RNF128: variants seen among roughly 807,000 people sequenced by gnomAD.
The protein encoded by RNF128 is E3 ubiquitin-protein ligase RNF128.
In RNF128, 13 loss-of-function variants were observed where a neutral mutation model predicts 26.2. The ratio of observed to expected loss-of-function variants is 0.50; its 90% CI spans 0.32 to 0.79. RNF128 has a LOEUF of 0.79. Ranked by LOEUF, RNF128 falls within the 30% of genes least tolerant of loss-of-function variation. The pLI is 0.03. For synonymous variants in RNF128, 149 were observed against 142.5 expected, an observed-to-expected ratio of 1.05 and a Z score of -0.32; for missense variants, 315 against 349.7, an observed-to-expected ratio of 0.90 and a Z score of 0.79.
intron 4 of RNF128, among the ~76,000 whole-genome samples, chrX:106,788,426 TTATATATAATATTATTATAATTATAA>T (rs1235823159): frequency 4.7e-4 from 22 of 46,527 alleles, no homozygotes; most frequent in Non-Finnish European, 6.6e-4. Context: ...ATAATATATA[TTATATATAATATTATTATAATTATAA>T]TATATATAAT....
intron 1 of RNF128, among the ~76,000 whole-genome samples, chrX:106,769,929 T>TTA (rs1930339720): frequency 9.0e-6 from 1 of 111,540 alleles, no homozygotes; most frequent in Non-Finnish European, 1.9e-5. Flanking sequence ...TCAGGAGCTC[T>TTA]TGTAAGGCAG....
At chrX:106,773,474 A>G (rs5962748) in intron 2 of RNF128, among the ~76,000 whole-genome samples, 15,280 of 111,161 alleles carry the variant, frequency 0.14, 2,619 homozygotes, top group African/African-American at 0.48. Flanking sequence ...AAAACATTTC[A>G]TACTCAATAT....
In RNF128 at chrX:106,772,965, T is replaced by C; in HGVS notation, c.537T>C (p.Ile179=). 2 of 1,210,629 alleles carry C rather than the reference T, an allele frequency of 1.7e-6. No individual in the cohort carries two copies. The highest frequency in any genetic ancestry group is 2.2e-6 in the Non-Finnish European group (2 of 894,728). The part of the protein sequence containing the change: ...IMIGNLKGTK[I]LQSIQRGIQV... Reference sequence around the variant, plus strand: ...TCGGCAATCTGAAAGGCACAAAAATTCTGCAATCTATTCAAAGAGGCATAC... The same window carrying C: ...TCGGCAATCTGAAAGGCACAAAAATCCTGCAATCTATTCAAAGAGGCATAC... Residue 179 remains isoleucine (I), a synonymous_variant, in exon 2 of 7, where the codon ATT becomes ATC. Coordinates refer to ENST00000255499, the MANE Select transcript of RNF128 (RefSeq NM_194463.2).
intron 1 of RNF128, among the ~76,000 whole-genome samples, chrX:106,721,450 A>G (rs1172030092): frequency 6.2e-5 from 7 of 112,244 alleles, no homozygotes. Context: ...AATCTGCCAC[A>G]ATGGTTCCCT....
chrX:106,785,222 T>C, intron 3 of RNF128, 86 bp downstream of exon 3: 1 of 729,725 alleles, frequency 1.4e-6, no homozygotes, highest in Middle Eastern at 3.5e-4. Flanking sequence ...CTAAGTATGC[T>C]TTTATTGGCA....
intron 1 of RNF128, among the ~76,000 whole-genome samples, chrX:106,703,357 T>C (rs771629901): frequency 8.9e-6 from 1 of 112,001 alleles, no homozygotes; most frequent in East Asian, 2.8e-4. Flanking sequence ...TTCTTCTCAG[T>C]GTAATCATCC....
At chrX:106,739,324 T>C (rs1820226156) in intron 1 of RNF128, among the ~76,000 whole-genome samples, 1 of 110,809 alleles carries the variant, frequency 9.0e-6, no homozygotes. Flanking sequence ...CATGTCCAGC[T>C]AATTTTTGGA....
chrX:106,697,390 T>C (rs1928891315), intron 1 of RNF128, among the ~76,000 whole-genome samples: 1 of 111,824 alleles, frequency 8.9e-6, no homozygotes, highest in South Asian at 3.8e-4. Flanking sequence ...TGACCTTCTC[T>C]AATGTTGATG....
intron 1 of RNF128, among the ~76,000 whole-genome samples, chrX:106,739,054 C>T (rs998915637): frequency 9.0e-6 from 1 of 111,697 alleles, no homozygotes; most frequent in Non-Finnish European, 1.9e-5. Flanking sequence ...ATCCGAAATA[C>T]GATTTGGGTA....
intron 1 of RNF128, among the ~76,000 whole-genome samples, chrX:106,747,856 T>C (rs979359891): frequency 1.8e-5 from 2 of 112,344 alleles, no homozygotes; most frequent in Non-Finnish European, 3.8e-5. Context: ...TGGATCATAT[T>C]CTTCCTAGTG....
rs1177430256 is a variant in RNF128 at position 106,714,684 on chromosome X, C to T, written c.406+20276C>T. Among the ~76,000 whole-genome samples the T allele has an allele frequency of 2.7e-5, 3 of 111,826 alleles. No homozygotes were observed. In the East Asian group the frequency reaches 8.4e-4, roughly 31 times the overall value. ...TGCAACAGAGCTCCTTCGTATTGTC[C>T]CTTTATAGCCAAAAGGACCTCCGCC... On this transcript the variant is annotated intron_variant, in intron 1 of 6. Coordinates refer to the RNF128 transcript ENST00000324342.
chrX:106,751,895 C>T (rs1020067970), intron 1 of RNF128, among the ~76,000 whole-genome samples: 2 of 110,536 alleles, frequency 1.8e-5, no homozygotes, highest in African/African-American at 3.3e-5. Context: ...CACCATGAGC[C>T]TTGGGCAAGG....
intron 1 of RNF128, among the ~76,000 whole-genome samples, chrX:106,758,612 A>G (rs927900564): frequency 7.2e-5 from 8 of 111,465 alleles, no homozygotes; most frequent in African/African-American, 2.3e-4. Context: ...ATAATAGAGA[A>G]TTCAGAAATA....
At chrX:106,774,950 G>C (rs1930441380) in intron 2 of RNF128, among the ~76,000 whole-genome samples, 1 of 111,797 alleles carries the variant, frequency 8.9e-6, no homozygotes, top group Admixed American at 9.5e-5. Context: ...TTTAATTTAG[G>C]AATAGATGAG....
In RNF128 at chrX:106,777,286, C is replaced by T. The variant is rs183528035; in HGVS notation, c.732+4126C>T. Among the ~76,000 whole-genome samples, 13 of 111,760 alleles carry T rather than the reference C, an allele frequency of 1.2e-4. No homozygotes were observed. The East Asian group carries it at 3.4e-3, about 29-fold the overall frequency. On this transcript the variant is annotated intron_variant, in intron 2 of 6. Transcript: ENST00000255499. ...CATTACTATATTAAATTGCTCTGTGCAAGTCTATCACAAAGTTCAAGTGGC... is the reference window on the plus strand; with the variant it reads ...CATTACTATATTAAATTGCTCTGTGTAAGTCTATCACAAAGTTCAAGTGGC...
chrX:106,719,417 C>T (rs1031319204), intron 1 of RNF128, among the ~76,000 whole-genome samples: 2 of 111,516 alleles, frequency 1.8e-5, no homozygotes, highest in Non-Finnish European at 3.8e-5. Context: ...AATGGGGTTT[C>T]GCCATGTTGG....
intron 3 of RNF128, among the ~76,000 whole-genome samples, chrX:106,786,026 T>C (rs1046964444): frequency 1.8e-5 from 2 of 111,755 alleles, no homozygotes; most frequent in Non-Finnish European, 3.8e-5. Context: ...TTTGATGCAG[T>C]TTCAATAAAA....
intron 2 of RNF128, among the ~76,000 whole-genome samples, chrX:106,774,719 T>C (rs1473619752): frequency 8.9e-6 from 1 of 112,022 alleles, no homozygotes; most frequent in Non-Finnish European, 1.9e-5. Context: ...CTTCAGGTAT[T>C]CTCAGTATAA....
At chrX:106,755,714 C>T (rs1811550498) in intron 1 of RNF128, among the ~76,000 whole-genome samples, 2 of 110,780 alleles carry the variant, frequency 1.8e-5, no homozygotes, top group African/African-American at 3.3e-5. Context: ...CATCCTTTCA[C>T]GATTAAAAAC....
Sources: allele counts gnomAD v4.1 joint callset (sites outside exome capture counted in the v4.1 genomes callset), GRCh38; gene constraint gnomAD v4.1.1; transcripts MANE v1.5; gene names NCBI Gene and HGNC (gene_info 2026-07-23, HGNC 2026-07-21).